NCOR2: variants seen among roughly 807,000 people sequenced by gnomAD.
NCOR2 encodes the protein CTG repeat protein 26.
A neutral mutation model predicts 262.9 loss-of-function variants in NCOR2; 81 were observed. The ratio of observed to expected loss-of-function variants is 0.31; its 90% CI spans 0.26 to 0.37. The LOEUF is 0.37. Among genes scored for constraint, NCOR2 ranks in the 10% least tolerant of loss-of-function variants. NCOR2 has a pLI of 1.00. For synonymous variants in NCOR2, 1,659 were observed against 1,559.3 expected, an observed-to-expected ratio of 1.06 and a Z score of -1.51; for missense variants, 3,385 against 3,621.4, an observed-to-expected ratio of 0.93 and a Z score of 1.68.
chr12:124,558,249 A>T (rs2051947471), intron 1 of NCOR2, among the ~76,000 whole-genome samples: 1 of 149,910 alleles, frequency 6.7e-6, no homozygotes, highest in African/African-American at 2.4e-5. Flanking sequence ...CACAAAGAAA[A>T]ATCAACTCTC....
chr12:124,333,894 GTGCGCGCGCA>G (rs1566353616), intron 41 of NCOR2, among the ~76,000 whole-genome samples: 3 of 147,418 alleles, frequency 2.0e-5, no homozygotes, highest in Non-Finnish European at 3.0e-5. Flanking sequence ...GCATGTGTGT[GTGCGCGCGCA>G]TGTGTGCGGG....
At chr12:124,345,885 G>A (rs1046201346) in intron 31 of NCOR2, among the ~76,000 whole-genome samples, 24 of 152,138 alleles carry the variant, frequency 1.6e-4, no homozygotes, top group Non-Finnish European at 1.5e-5. Context: ...CTTCACAAGA[G>A]GCCACCTCTG....
intron 1 of NCOR2, among the ~76,000 whole-genome samples, chr12:124,530,669 TCACGTAGGG>T (rs1304822622): frequency 6.6e-6 from 1 of 152,150 alleles, no homozygotes; most frequent in Non-Finnish European, 1.5e-5. Context: ...GCTAGCTAGG[TCACGTAGGG>T]CACTGTGCCC....
intron 14 of NCOR2, among the ~76,000 whole-genome samples, chr12:124,401,041 C>A (rs1391445942): frequency 6.6e-6 from 1 of 152,004 alleles, no homozygotes. Context: ...TCCATCTCTA[C>A]AAAAGAAAAA....
intron 38 of NCOR2, 142 bp downstream of exon 40, chr12:124,336,611 C>A: frequency 6.8e-7 from 1 of 1,468,836 alleles, no homozygotes. Flanking sequence ...GACCACGAGA[C>A]GGGGTGGGTG....
chr12:124,507,684 G>A lies in NCOR2; in HGVS notation c.-117-12316C>T, dbSNP rs2049126483. ...CCAACCCAGGTGGCCTCAAGGCCAG[G>A]GCCCAGGGAAGGGCTGACTGCTTCA... is the stretch of plus-strand genomic sequence containing the variant. On this transcript the variant is annotated intron_variant, in intron 1 of 46. Coordinates refer to the NCOR2 transcript ENST00000404621. 2.6e-5 allele frequency among the ~76,000 whole-genome samples: 4 copies of A among 152,236 alleles called. No homozygotes were observed. In the South Asian group the frequency reaches 8.3e-4, roughly 31 times the overall value.
rs1032760617 is a variant in NCOR2 at position 124,482,412 on chromosome 12, C to T, written c.411+1184G>A. On this transcript the variant is annotated intron_variant, in intron 3 of 46. Transcript: ENST00000405201. This position sits in a 1 kb window ranked among gnomAD's most constrained non-coding sequence, Gnocchi z 6.3. ...CACCCCAGGGATATCCCAGGTTCCACGCAGGTATCCTCTCTCCCCGAGAGA... is the reference window on the plus strand; with the variant it reads ...CACCCCAGGGATATCCCAGGTTCCATGCAGGTATCCTCTCTCCCCGAGAGA... Among the ~76,000 whole-genome samples, 2 of 152,182 alleles carry T rather than the reference C, an allele frequency of 1.3e-5. No individual in the cohort carries two copies. Among genetic ancestry groups the T allele is most frequent in the African/African-American group, 4.8e-5 (2 of 41,446 alleles).
rs574724205 is a variant in NCOR2 at position 124,372,419 on chromosome 12, C to T, written c.2410G>A (p.Gly804Arg). The T allele has an allele frequency of 2.8e-5, 33 of 1,183,542 alleles. No homozygotes were observed. Among genetic ancestry groups the T allele is most frequent in the Admixed American group, 9.4e-5 (3 of 31,984 alleles). The allele number at this position is 1,183,542 out of a possible 1,614,324, so 73.3% of individuals were successfully genotyped here. ...GGTGCTGGTGGGGGCGTAGGGGCTC[C>T]GGTGGCTTCAGAGGCCGGGGTGGGC... Residue 804 changes from glycine to arginine, a missense_variant, in exon 20 of 47, where the codon GGA becomes AGA. Gly to Arg is a moderately radical substitution (Grantham distance 125). Coordinates refer to ENST00000405201, the Ensembl canonical transcript of NCOR2.
chr12:124,379,009 G>A (rs1445804434), intron 17 of NCOR2, among the ~76,000 whole-genome samples: 3 of 152,290 alleles, frequency 2.0e-5, no homozygotes, highest in Admixed American at 6.5e-5. Flanking sequence ...TCGCGTGGGT[G>A]AAACAGGATG....
At chr12:124,437,095 T>TAATAAATAAATA (rs142026848) in intron 8 of NCOR2, among the ~76,000 whole-genome samples, 6 of 151,396 alleles carry the variant, frequency 4.0e-5, no homozygotes, top group Non-Finnish European at 7.4e-5. Flanking sequence ...CAAAAATAAA[T>TAATAAATAAATA]AATAAATAAA....
rs757618128 is a variant in NCOR2 at position 124,495,123 on chromosome 12, G to A, written c.105+24C>T. 2.5e-6 allele frequency: 4 copies of A among 1,611,568 alleles called. No homozygotes were observed. Among genetic ancestry groups the A allele is most frequent in the Admixed American group, 1.7e-5 (1 of 59,548 alleles). On this transcript the variant is annotated intron_variant, in intron 1 of 46. Transcript: ENST00000405201. The surrounding 1 kb of genome is among the most constrained non-coding windows in gnomAD (Gnocchi z 4.4). The stretch of plus-strand genomic sequence containing the variant: ...AGAAGGGTCTCAAAGGTAGCCCCAG[G>A]CGCACACATGTGCACCCCCTTACCG...
intron 12 of NCOR2, among the ~76,000 whole-genome samples, chr12:124,420,825 C>T (rs1333827532): frequency 2.0e-5 from 3 of 152,210 alleles, no homozygotes; most frequent in Non-Finnish European, 4.4e-5. Flanking sequence ...AAGCCAGGAC[C>T]CCACCTCCAA....
At position 124,531,522 on chromosome 12, in the gene NCOR2, G is replaced by A. The variant is rs377139117; in HGVS notation, c.-118+4043C>T. 2.9e-4 allele frequency among the ~76,000 whole-genome samples: 44 copies of A among 152,318 alleles called. No homozygotes were observed. The highest frequency in any genetic ancestry group is 1.0e-3 in the African/African-American group (43 of 41,572). ...GAGAAGGAGGGGTAGGGAGCAGGAA[G>A]GAAGGGGGAGGGGAGGAAGGGATTG... On this transcript the variant is annotated intron_variant, in intron 1 of 46. Transcript: ENST00000404621. The surrounding 1 kb of genome is among the most constrained non-coding windows in gnomAD (Gnocchi z 4.5).
intron 15 of NCOR2, among the ~76,000 whole-genome samples, chr12:124,400,271 C>T (rs1296489524): frequency 2.0e-5 from 3 of 152,128 alleles, no homozygotes; most frequent in Admixed American, 6.6e-5. Flanking sequence ...AGGTAACCAC[C>T]GATTCCTCCC....
chr12:124,480,834 G>A (rs1482428619), intron 3 of NCOR2, among the ~76,000 whole-genome samples: 2 of 147,864 alleles, frequency 1.4e-5, no homozygotes, highest in Admixed American at 6.7e-5. Flanking sequence ...GGGAGCGGAT[G>A]GGGGTAGGGG....
intron 17 of NCOR2, among the ~76,000 whole-genome samples, chr12:124,380,686 C>T (rs546994296): frequency 6.6e-5 from 10 of 152,214 alleles, no homozygotes; most frequent in African/African-American, 2.2e-4. Context: ...CGGGCGGTGG[C>T]TGGGACATGG....
Position 124,549,305 on chromosome 12 carries a change from T to TA in NCOR2, c.-164-13695dup, listed in dbSNP as rs139784632. ...GAGGGGCAGGGCCGCGGCTGGAGGA[T>TA]AAAATCCCACACTCCCCGCTTGGCC... On this transcript the variant is annotated intron_variant, in intron 1 of 32. Transcript: ENST00000458234. The surrounding 1 kb of genome is among the most constrained non-coding windows in gnomAD (Gnocchi z 4.4). Among the ~76,000 whole-genome samples the TA allele has an allele frequency of 0.044, 6,713 of 152,018 alleles. 223 individuals are homozygous for TA. The highest frequency in any genetic ancestry group is 0.075 in the Middle Eastern group (22 of 292).
At position 124,548,827 on chromosome 12, in the gene NCOR2, T is replaced by C. The variant is rs987807013; in HGVS notation, c.-164-13216A>G. On this transcript the variant is annotated intron_variant, in intron 1 of 32. Coordinates refer to the NCOR2 transcript ENST00000458234. The surrounding 1 kb of genome is among the most constrained non-coding windows in gnomAD (Gnocchi z 5.1). ...ATTCAAAAAAACCTGCCAGAACCAG[T>C]CCAAATACTAGCTGTTTCTTAAATG... 1.3e-5 allele frequency among the ~76,000 whole-genome samples: 2 copies of C among 151,950 alleles called. No individual in the cohort carries two copies. The highest frequency in any genetic ancestry group is 4.8e-5 in the African/African-American group (2 of 41,358).
chr12:124,383,848 A>C (rs2040591676), intron 17 of NCOR2, among the ~76,000 whole-genome samples: 1 of 152,204 alleles, frequency 6.6e-6, no homozygotes, highest in South Asian at 2.1e-4. Context: ...CCCTGGGCCT[A>C]ATGGGATGGT....
Sources: gnomAD v4.1 joint callset for allele counts (sites outside exome capture counted in the v4.1 genomes callset) on GRCh38, gnomAD v4.1.1 for gene constraint, Gnocchi (gnomAD v3.1) non-coding constraint, MANE v1.5 for transcripts, NCBI Gene and HGNC (gene_info 2026-07-23, HGNC 2026-07-21) for gene names.